Variants in LPCAT1 observed in about 807,000 individuals in gnomAD.
The protein encoded by LPCAT1 is lysophosphatidylcholine acyltransferase 1, also known as 1-acylglycerol-3-phosphate O-acyltransferase.
In LPCAT1, 23 loss-of-function variants were observed where a neutral mutation model predicts 60.9. The ratio of observed to expected loss-of-function variants is 0.38; its 90% CI spans 0.27 to 0.53. LPCAT1 has a LOEUF of 0.53. Ranked by LOEUF, LPCAT1 falls within the 20% of genes least tolerant of loss-of-function variation. The pLI, the probability that LPCAT1 is intolerant of heterozygous loss-of-function variation, is 0.82. For missense variants in LPCAT1, 622 were observed against 723.6 expected, an observed-to-expected ratio of 0.86 and a Z score of 1.61; for synonymous variants, 340 against 301.1, an observed-to-expected ratio of 1.13 and a Z score of -1.34.
chr5:1,468,597 C>T (rs750919817), intron 12 of LPCAT1, among the ~76,000 whole-genome samples: 15 of 152,224 alleles, frequency 9.9e-5, no homozygotes, highest in African/African-American at 3.6e-4. Context: ...CTACCACAGG[C>T]AACAGACTTC....
chr5:1,499,155 G>A (rs1735915283), intron 2 of LPCAT1, among the ~76,000 whole-genome samples: 1 of 152,212 alleles, frequency 6.6e-6, no homozygotes, highest in Non-Finnish European at 1.5e-5. Context: ...TTGAAGCCAA[G>A]TCAATTATTC....
At chr5:1,501,825 CA>C (rs1360250319) in intron 1 of LPCAT1, among the ~76,000 whole-genome samples, 2 of 152,158 alleles carry the variant, frequency 1.3e-5, no homozygotes, top group African/African-American at 4.8e-5. Context: ...CAAGGCTAAC[CA>C]ACACTGACCA....
chr5:1,509,040 T>C (rs1181596535), intron 1 of LPCAT1, among the ~76,000 whole-genome samples: 1 of 152,260 alleles, frequency 6.6e-6, no homozygotes, highest in Non-Finnish European at 1.5e-5. Context: ...GCAGGGATGC[T>C]GCGGCCCCTC....
At position 1,484,186 on chromosome 5, in the gene LPCAT1, G is replaced by A. The variant is rs562882201; in HGVS notation, c.668-700C>T. ...CACCTGATGGGCTCCCAAGGAATCA[G>A]GAGGAGCCCCAGCGAGGCCCAGCTA... On this transcript the variant is annotated intron_variant, in intron 5 of 13. Transcript: ENST00000283415. 7.9e-5 allele frequency among the ~76,000 whole-genome samples: 12 copies of A among 152,374 alleles called. No homozygotes were observed. The South Asian group carries it at 2.1e-3, about 26-fold the overall frequency.
At chr5:1,508,997 C>G (rs1341295763) in intron 1 of LPCAT1, among the ~76,000 whole-genome samples, 2 of 152,276 alleles carry the variant, frequency 1.3e-5, no homozygotes, top group Non-Finnish European at 2.9e-5. Flanking sequence ...ATCGCGGTGC[C>G]CGACAGGGGT....
intron 1 of LPCAT1, among the ~76,000 whole-genome samples, 174 bp from the exon 2 acceptor site, chr5:1,501,777 A>G (rs1034952394): frequency 2.0e-5 from 3 of 151,550 alleles, no homozygotes; most frequent in Non-Finnish European, 4.4e-5. Flanking sequence ...AGGCTGACCA[A>G]GGCTGACCGA....
chr5:1,479,955 G>A (rs967909496), intron 7 of LPCAT1, among the ~76,000 whole-genome samples: 5 of 151,704 alleles, frequency 3.3e-5, no homozygotes, highest in African/African-American at 4.8e-5. Context: ...AGGAGACCTC[G>A]TACAGCCCAC....
At chr5:1,508,175 C>T (rs180797283) in intron 1 of LPCAT1, among the ~76,000 whole-genome samples, 72 of 152,280 alleles carry the variant, frequency 4.7e-4, no homozygotes, top group African/African-American at 1.6e-3. Context: ...TGACAGCAGC[C>T]GCGCCAAGCA....
chr5:1,483,336 A>T lies in LPCAT1; in HGVS notation c.726+92T>A. ...GCTGTGGCGCAGATAAAGGGTGTGG[A>T]GAGACAGAGACACAGGTGCACAGAG... On this transcript the variant is annotated intron_variant, in intron 6 of 13. Coordinates refer to ENST00000283415, the MANE Select transcript of LPCAT1 (RefSeq NM_024830.5). This position sits in a 1 kb window ranked among gnomAD's most constrained non-coding sequence, Gnocchi z 9.2. 7.7e-7 allele frequency: 1 copy of T among 1,302,458 alleles called. No homozygotes were observed. Among genetic ancestry groups the T allele is most frequent in the Non-Finnish European group, 1.1e-6 (1 of 897,658 alleles). The allele number at this position is 1,302,458 out of a possible 1,614,324, so 80.7% of individuals were successfully genotyped here. A position where few individuals can be genotyped will look rare whatever the true frequency, so the allele number is the denominator to read the frequency against.
At chr5:1,501,759 ACTGACCGAGGCTGACCAAGG>A (rs1424017764) in intron 1 of LPCAT1, among the ~76,000 whole-genome samples, 156 bp from the exon 2 acceptor site, 21 of 152,258 alleles carry the variant, frequency 1.4e-4, no homozygotes, top group African/African-American at 4.8e-4. Flanking sequence ...GCTGACCAGC[ACTGACCGAGGCTGACCAAGG>A]CTGACCGAGG....
At chr5:1,479,778 G>T in intron 7 of LPCAT1, 103 bp from the exon 8 acceptor site, 1 of 861,814 alleles carries the variant, frequency 1.2e-6, no homozygotes, top group Non-Finnish European at 1.9e-6. Flanking sequence ...CCTCCAGAGG[G>T]CGCTACTGGG....
rs1010053604 is a variant in LPCAT1 at position 1,483,341 on chromosome 5, C to A, written c.726+87G>T. 2.2e-6 allele frequency: 3 copies of A among 1,356,998 alleles called. No individual in the cohort carries two copies. Among genetic ancestry groups the A allele is most frequent in the Admixed American group, 1.7e-5 (1 of 59,280 alleles). The allele number at this position is 1,356,998 out of a possible 1,614,324, so 84.1% of individuals were successfully genotyped here. On this transcript the variant is annotated intron_variant, in intron 6 of 13. Transcript: ENST00000283415. This position sits in a 1 kb window ranked among gnomAD's most constrained non-coding sequence, Gnocchi z 9.2. ...GGCGCAGATAAAGGGTGTGGAGAGA[C>A]AGAGACACAGGTGCACAGAGGCAGC...
chr5:1,523,130 G>A lies in LPCAT1; in HGVS notation c.135+580C>T, dbSNP rs1022457945. On this transcript the variant is annotated intron_variant, in intron 1 of 13. Coordinates refer to ENST00000283415, the MANE Select transcript of LPCAT1 (RefSeq NM_024830.5). The surrounding 1 kb of genome is among the most constrained non-coding windows in gnomAD (Gnocchi z 7.1). ...CAGGGAGACCCGTGCGCCTACAGGGGACCCTACAGGGGACCCGCACCGCCC... is the reference window on the plus strand; with the variant it reads ...CAGGGAGACCCGTGCGCCTACAGGGAACCCTACAGGGGACCCGCACCGCCC... Among the ~76,000 whole-genome samples the A allele has an allele frequency of 2.6e-5, 4 of 151,516 alleles. No individual in the cohort carries two copies. Among genetic ancestry groups the A allele is most frequent in the Non-Finnish European group, 5.9e-5 (4 of 67,654 alleles).
At chr5:1,509,825 G>A (rs1275709554) in intron 1 of LPCAT1, among the ~76,000 whole-genome samples, 1 of 152,180 alleles carries the variant, frequency 6.6e-6, no homozygotes, top group Non-Finnish European at 1.5e-5. Context: ...GTGGCACCGT[G>A]AACCATTGCC....
At chr5:1,493,980 C>T (rs538609741) in intron 3 of LPCAT1, among the ~76,000 whole-genome samples, 2 of 152,222 alleles carry the variant, frequency 1.3e-5, no homozygotes, top group Non-Finnish European at 2.9e-5. Context: ...GTCAGAGGGA[C>T]GCAGCCCCCA....
At position 1,506,305 on chromosome 5, in the gene LPCAT1, C is replaced by T. The variant is rs147362572; in HGVS notation, c.136-4702G>A. On this transcript the variant is annotated intron_variant, in intron 1 of 13. Transcript: ENST00000283415. ...CACCTCACCCAGCTCTGGGCCTGTG[C>T]GCTCTTTCTCTGCCAGGCTCGGCCC... 4.0e-3 allele frequency among the ~76,000 whole-genome samples: 614 copies of T among 152,352 alleles called. 3 individuals carry two copies. The highest frequency in any genetic ancestry group is 0.027 in the Middle Eastern group (8 of 294).
At position 1,477,289 on chromosome 5, in the gene LPCAT1, C is replaced by T. The variant is rs369364232; in HGVS notation, c.899+115G>A. 36 of 830,984 alleles carry T rather than the reference C, an allele frequency of 4.3e-5. No individual in the cohort carries two copies. Among genetic ancestry groups the T allele is most frequent in the Middle Eastern group, 3.4e-4 (1 of 2,964 alleles). The allele number at this position is 830,984 out of a possible 1,614,324, so 51.5% of individuals were successfully genotyped here. On this transcript the variant is annotated intron_variant, in intron 9 of 13. Coordinates refer to ENST00000283415, the MANE Select transcript of LPCAT1 (RefSeq NM_024830.5). The surrounding 1 kb of genome is among the most constrained non-coding windows in gnomAD (Gnocchi z 6.0). ...CACCAACATGCATGAAGCTGGTTCC[C>T]GCACTTCTGCAAGAATGCCTTTTCC...
chr5:1,507,781 G>A (rs960883077), intron 1 of LPCAT1, among the ~76,000 whole-genome samples: 1 of 152,354 alleles, frequency 6.6e-6, no homozygotes, highest in Non-Finnish European at 1.5e-5. Flanking sequence ...CCTGGTGCAG[G>A]AGCAGCACAG....
chr5:1,480,861 A>T lies in LPCAT1; in HGVS notation c.761+81T>A. 2.6e-6 allele frequency: 4 copies of T among 1,519,514 alleles called. No individual in the cohort carries two copies. Among genetic ancestry groups the T allele is most frequent in the Admixed American group, 3.3e-5 (2 of 59,876 alleles). The allele number at this position is 1,519,514 out of a possible 1,614,324, so 94.1% of individuals were successfully genotyped here. ...TGCTTTCACAACTGCAAAAGTAACT[A>T]GCGTGCACAGCAGACCCCAAGCAGC... On this transcript the variant is annotated intron_variant, in intron 7 of 13. Coordinates refer to ENST00000283415, the MANE Select transcript of LPCAT1 (RefSeq NM_024830.5). The surrounding 1 kb of genome is among the most constrained non-coding windows in gnomAD (Gnocchi z 6.4).
Sources: gnomAD v4.1 joint callset for allele counts (sites outside exome capture counted in the v4.1 genomes callset) on GRCh38, gnomAD v4.1.1 for gene constraint, Gnocchi (gnomAD v3.1) non-coding constraint, MANE v1.5 for transcripts, NCBI Gene and HGNC (gene_info 2026-07-23, HGNC 2026-07-21) for gene names.